CALCRL: variants seen among roughly 807,000 people sequenced by gnomAD.
CALCRL encodes calcitonin gene-related peptide type 1 receptor.
A neutral mutation model predicts 60.4 loss-of-function variants in CALCRL; 27 were observed. The ratio of observed to expected loss-of-function variants is 0.45; its 90% CI spans 0.33 to 0.62. CALCRL has a LOEUF of 0.62. Among genes scored for constraint, CALCRL ranks in the 20% least tolerant of loss-of-function variants. The pLI is 0.03. For synonymous variants in CALCRL, 190 were observed against 182.6 expected (o/e 1.04, Z -0.33); for missense variants, 424 against 540.7 (o/e 0.78, Z 2.14).
chr2:187,396,184 A>G (rs1159896758), intron 1 of CALCRL, among the ~76,000 whole-genome samples: 1 of 95,896 alleles, frequency 1.0e-5, no homozygotes, highest in Non-Finnish European at 2.4e-5. Flanking sequence ...GGCCAAAAAA[A>G]ATAAATAAAT....
At chr2:187,359,957 G>A (rs1392262694) in intron 10 of CALCRL, among the ~76,000 whole-genome samples, 1 of 152,022 alleles carries the variant, frequency 6.6e-6, no homozygotes, top group Non-Finnish European at 1.5e-5. Context: ...AGGGTAGATA[G>A]ATGATAATAG....
At chr2:187,359,153 T>G (rs769824160) in intron 11 of CALCRL, 24 bp from the exon 12 acceptor site, 4 of 1,606,368 alleles carry the variant, frequency 2.5e-6, no homozygotes, top group Non-Finnish European at 3.4e-6. Context: ...AATAACATTA[T>G]GTTGAAAATT....
chr2:187,383,039 T>C (rs919734813), intron 5 of CALCRL, 134 bp downstream of exon 5: 1 of 809,790 alleles, frequency 1.2e-6, no homozygotes, highest in African/African-American at 1.8e-5. Flanking sequence ...TCAAACATAA[T>C]TAAAACTGCA....
At chr2:187,356,615 A>C (rs1686800484) in intron 12 of CALCRL, among the ~76,000 whole-genome samples, 1 of 152,180 alleles carries the variant, frequency 6.6e-6, no homozygotes, top group South Asian at 2.1e-4. Flanking sequence ...TCATGACTAA[A>C]ACACTAAGAG....
At chr2:187,397,545 T>G (rs143702421) in intron 1 of CALCRL, among the ~76,000 whole-genome samples, 2 of 151,750 alleles carry the variant, frequency 1.3e-5, no homozygotes, top group African/African-American at 2.4e-5. Flanking sequence ...ATTTTTTTGT[T>G]TTTTATTTGT....
In CALCRL at chr2:187,387,661, C is replaced by T. The variant is rs71432489; in HGVS notation, c.-202+5G>A. 48 of 396,554 alleles carry T rather than the reference C, an allele frequency of 1.2e-4. No homozygotes were observed. Among genetic ancestry groups the T allele is most frequent in the Non-Finnish European group, 2.0e-4 (44 of 224,936 alleles). 24.6% of individuals were successfully genotyped at this position (396,554 alleles called of 1,614,324 possible). Reference sequence around the variant, plus strand: ...CATGAGAAAATTTAATTTCCCAATACTTACATGCACAATTGTCTCCAGTCT... The same window carrying T: ...CATGAGAAAATTTAATTTCCCAATATTTACATGCACAATTGTCTCCAGTCT... On this transcript the variant is annotated splice_donor_5th_base_variant and intron_variant, in intron 2 of 14. Coordinates refer to ENST00000392370, the MANE Select transcript of CALCRL (RefSeq NM_005795.6).
At chr2:187,372,916 G>C (rs2105761115) in intron 8 of CALCRL, among the ~76,000 whole-genome samples, 1 of 152,168 alleles carries the variant, frequency 6.6e-6, no homozygotes, top group African/African-American at 2.4e-5. Context: ...TTTCTGAGGT[G>C]GCCCTACTCT....
chr2:187,415,044 A>C (rs956540345), intron 1 of CALCRL, among the ~76,000 whole-genome samples: 12 of 152,272 alleles, frequency 7.9e-5, no homozygotes, highest in African/African-American at 2.6e-4. Flanking sequence ...CTCTGTGGTT[A>C]AATGTTAATC....
At chr2:187,435,926 T>C (rs1332901875) in intron 1 of CALCRL, among the ~76,000 whole-genome samples, 1 of 150,930 alleles carries the variant, frequency 6.6e-6, no homozygotes, top group African/African-American at 2.4e-5. Flanking sequence ...GTGAAAAGCG[T>C]CTACAAATTT....
At chr2:187,375,165 G>T (rs374806017) in intron 8 of CALCRL, among the ~76,000 whole-genome samples, 63 of 151,224 alleles carry the variant, frequency 4.2e-4, no homozygotes, top group African/African-American at 1.3e-3. Flanking sequence ...CCAGCTACTC[G>T]GGAGGCTGAG....
rs1431428203 is a variant in CALCRL, at chr2:187,346,265, G to GTCATGA, written c.1299_1304dup (p.His434_Asp435dup). 2.5e-6 allele frequency: 4 copies of GTCATGA among 1,612,314 alleles called. No homozygotes were observed. In the South Asian group the frequency reaches 4.4e-5, roughly 18 times the overall value. On this transcript the variant is annotated inframe_insertion, in exon 15 of 15. Transcript: ENST00000392370. ...TTCCATTTAAGTGTTCACTAGGACA[G>GTCATGA]TCATGACTATAACCTGGACCATCAC... is the stretch of plus-strand genomic sequence containing the variant.
chr2:187,396,797 A>G (rs1574272997), intron 1 of CALCRL, among the ~76,000 whole-genome samples: 1 of 151,730 alleles, frequency 6.6e-6, no homozygotes, highest in Non-Finnish European at 1.5e-5. Context: ...AAGGAAGTAT[A>G]TATTGTTAAT....
chr2:187,390,660 T>G (rs1688398214), intron 1 of CALCRL, among the ~76,000 whole-genome samples: 2 of 152,170 alleles, frequency 1.3e-5, no homozygotes, highest in Admixed American at 1.3e-4. Context: ...CACAAAATAT[T>G]TATTAATGCA....
At chr2:187,349,267 CTT>C (rs1454880314) in intron 14 of CALCRL, among the ~76,000 whole-genome samples, 4 of 151,546 alleles carry the variant, frequency 2.6e-5, no homozygotes, top group African/African-American at 9.7e-5. Context: ...AATCCAAGCA[CTT>C]GTCAAGCCAC....
chr2:187,386,612 G>C (rs560089254), intron 3 of CALCRL, among the ~76,000 whole-genome samples: 1 of 152,126 alleles, frequency 6.6e-6, no homozygotes, highest in East Asian at 1.9e-4. Flanking sequence ...AATTCTAAGA[G>C]ACAAGAAATG....
chr2:187,394,994 G>A (rs1327092507), intron 1 of CALCRL, among the ~76,000 whole-genome samples: 2 of 151,968 alleles, frequency 1.3e-5, no homozygotes, highest in Non-Finnish European at 2.9e-5. Flanking sequence ...TAAATTACAT[G>A]CTAGATATAA....
intron 1 of CALCRL, among the ~76,000 whole-genome samples, chr2:187,408,716 C>G (rs1263572353): frequency 2.0e-5 from 3 of 151,566 alleles, no homozygotes; most frequent in Non-Finnish European, 4.4e-5. Context: ...TCTCAGAAAA[C>G]CTACCAGGAA....
intron 1 of CALCRL, among the ~76,000 whole-genome samples, chr2:187,422,093 C>T (rs539680206): frequency 6.6e-6 from 1 of 152,212 alleles, no homozygotes; most frequent in South Asian, 2.1e-4. Flanking sequence ...ACCAAGAGAT[C>T]AAAGGTAGCT....
chr2:187,381,580 C>T (rs1017185173), intron 5 of CALCRL, among the ~76,000 whole-genome samples: 1 of 151,916 alleles, frequency 6.6e-6, no homozygotes, highest in African/African-American at 2.4e-5. Flanking sequence ...CTCAGCCTCC[C>T]AAGTGGCTGG....
Sources: gnomAD v4.1 joint callset for allele counts (sites outside exome capture counted in the v4.1 genomes callset) on GRCh38, gnomAD v4.1.1 for gene constraint, MANE v1.5 for transcripts, NCBI Gene and HGNC (gene_info 2026-07-23, HGNC 2026-07-21) for gene names.